The following RTN1 variants were observed in gnomAD, a reference collection of about 807,000 sequenced individuals.
RTN1 encodes the protein reticulon-1.
RTN1 carries 25 observed loss-of-function variants against 65.5 expected under a neutral mutation model. The ratio of observed to expected loss-of-function variants is 0.38; its 90% CI spans 0.28 to 0.53. The LOEUF is 0.53. RTN1 is among the 20% of genes least tolerant of loss of function. The pLI is 0.79. For missense variants in RTN1, 983 were observed against 1,025.4 expected (o/e 0.96, Z 0.57); for synonymous variants, 471 against 447.6 (o/e 1.05, Z -0.66).
chr14:59,714,695 GA>G (rs1357815551), intron 3 of RTN1, among the ~76,000 whole-genome samples: 3 of 152,190 alleles, frequency 2.0e-5, no homozygotes. Flanking sequence ...TCCCAAGAAG[GA>G]CTACGCTACA....
At chr14:59,750,066 T>TTATATATTATATTATATAC (rs1885417016) in intron 1 of RTN1, among the ~76,000 whole-genome samples, 8 of 34,908 alleles carry the variant, frequency 2.3e-4, no homozygotes, top group Admixed American at 1.3e-3. Context: ...ATACATATAT[T>TTATATATTATATTATATAC]ATATATTATA....
At chr14:59,719,019 T>A (rs1884595265) in intron 3 of RTN1, among the ~76,000 whole-genome samples, 1 of 152,196 alleles carries the variant, frequency 6.6e-6, no homozygotes, top group Non-Finnish European at 1.5e-5. Flanking sequence ...TAATTTGTCT[T>A]CCTGCTTCCA....
At chr14:59,851,270 C>G (rs1175863821) in intron 1 of RTN1, among the ~76,000 whole-genome samples, 5 of 152,106 alleles carry the variant, frequency 3.3e-5, no homozygotes, top group African/African-American at 1.2e-4. Flanking sequence ...TTAAATAATA[C>G]ACTTAAAGGT....
intron 1 of RTN1, among the ~76,000 whole-genome samples, chr14:59,749,547 T>TTATATAGATATCTATATATAGATATATA (rs1566712137): frequency 3.6e-4 from 18 of 49,722 alleles, no homozygotes; most frequent in Non-Finnish European, 5.4e-4. Context: ...CTATATATAT[T>TTATATAGATATCTATATATAGATATATA]TATATAGATA....
At chr14:59,630,460 T>A in intron 3 of RTN1, 1 of 1,613,722 alleles carries the variant, frequency 6.2e-7, no homozygotes, top group Non-Finnish European at 8.5e-7. Context: ...ACTTTTCCAG[T>A]TGCTCCACAC....
intron 3 of RTN1, among the ~76,000 whole-genome samples, chr14:59,633,547 C>T (rs1322232208): frequency 6.6e-6 from 1 of 152,088 alleles, no homozygotes; most frequent in Admixed American, 6.5e-5. Flanking sequence ...AAAGCTCTTG[C>T]CAAGATCAAA....
chr14:59,815,919 C>T (rs1886812847), intron 1 of RTN1, among the ~76,000 whole-genome samples: 1 of 152,182 alleles, frequency 6.6e-6, no homozygotes, highest in Non-Finnish European at 1.5e-5. Context: ...CTGTAGTTTA[C>T]TAGTTCCACC....
intron 3 of RTN1, among the ~76,000 whole-genome samples, chr14:59,618,506 T>C (rs1178303089): frequency 3.9e-5 from 6 of 152,242 alleles, no homozygotes; most frequent in Non-Finnish European, 8.8e-5. Context: ...AAAGTTATCC[T>C]TAAAAACTCT....
At chr14:59,622,918 A>G (rs1247977159) in intron 3 of RTN1, among the ~76,000 whole-genome samples, 3 of 152,184 alleles carry the variant, frequency 2.0e-5, no homozygotes, top group African/African-American at 7.2e-5. Context: ...TACAACCTAT[A>G]TGACTGTCAA....
intron 1 of RTN1, among the ~76,000 whole-genome samples, chr14:59,843,291 C>T (rs967304867): frequency 5.9e-5 from 9 of 152,144 alleles, no homozygotes; most frequent in African/African-American, 1.9e-4. Context: ...GCCAGAATAA[C>T]GGTTGCCTCT....
intron 1 of RTN1, among the ~76,000 whole-genome samples, chr14:59,786,093 C>G (rs1474828258): frequency 6.6e-6 from 1 of 152,158 alleles, no homozygotes; most frequent in African/African-American, 2.4e-5. Flanking sequence ...CCAACAATAG[C>G]TCATAGAAGT....
chr14:59,726,178 C>T (rs1884755856), intron 3 of RTN1, among the ~76,000 whole-genome samples: 3 of 152,164 alleles, frequency 2.0e-5, no homozygotes, highest in Non-Finnish European at 4.4e-5. Context: ...ATCTCTTGTA[C>T]ACGTATAATG....
chr14:59,819,227 T>G (rs991988921), intron 1 of RTN1, among the ~76,000 whole-genome samples: 10 of 152,022 alleles, frequency 6.6e-5, no homozygotes, highest in Admixed American at 1.3e-4. Flanking sequence ...CAAGATTTAT[T>G]GTGAAGAGCG....
intron 3 of RTN1, among the ~76,000 whole-genome samples, chr14:59,634,333 G>T (rs2140187350): frequency 6.6e-6 from 1 of 152,218 alleles, no homozygotes; most frequent in Middle Eastern, 3.4e-3. Context: ...GGAATAAAAG[G>T]CACAGAACCA....
At chr14:59,626,813 C>T (rs949751775) in intron 3 of RTN1, among the ~76,000 whole-genome samples, 6 of 152,092 alleles carry the variant, frequency 3.9e-5, no homozygotes, top group African/African-American at 7.2e-5. Flanking sequence ...GCACCTGGCA[C>T]GTAGCTAATA....
At chr14:59,819,388 C>A (rs1260347008) in intron 1 of RTN1, among the ~76,000 whole-genome samples, 1 of 113,752 alleles carries the variant, frequency 8.8e-6, no homozygotes, top group Non-Finnish European at 1.7e-5. Flanking sequence ...TTACAGAGAG[C>A]TGATTGGTGC....
At chr14:59,808,822 C>T (rs981095883) in intron 1 of RTN1, among the ~76,000 whole-genome samples, 1 of 152,084 alleles carries the variant, frequency 6.6e-6, no homozygotes, top group Non-Finnish European at 1.5e-5. Context: ...CCCCTACTTT[C>T]TCTCTTGCTC....
intron 3 of RTN1, among the ~76,000 whole-genome samples, chr14:59,693,660 C>T (rs1884005736): frequency 6.6e-6 from 1 of 152,226 alleles, no homozygotes; most frequent in South Asian, 2.1e-4. Flanking sequence ...TCTCCACTTC[C>T]ATCCAGGTCA....
Position 59,645,393 on chromosome 14 carries a change from A to G in RTN1, c.1766-37901T>C, listed in dbSNP as rs1196121351. Among the ~76,000 whole-genome samples, 3 of 150,968 alleles carry G rather than the reference A, an allele frequency of 2.0e-5. No homozygotes were observed. The East Asian group carries it at 5.8e-4, about 29-fold the overall frequency. Reference sequence around the variant, plus strand: ...TATATATGTTTGTTACATGTTTTCTATATATTACATGTTTTCTATATGTTA... The same window carrying G: ...TATATATGTTTGTTACATGTTTTCTGTATATTACATGTTTTCTATATGTTA... On this transcript the variant is annotated intron_variant, in intron 3 of 8. Coordinates refer to ENST00000267484, the MANE Select transcript of RTN1 (RefSeq NM_021136.3).
Sources: allele counts gnomAD v4.1 joint callset (sites outside exome capture counted in the v4.1 genomes callset), GRCh38; gene constraint gnomAD v4.1.1; transcripts MANE v1.5; gene names NCBI Gene and HGNC (gene_info 2026-07-23, HGNC 2026-07-21).